Variants in MEGF10 observed in about 807,000 individuals in gnomAD.
MEGF10 encodes multiple EGF like domains 10, also known as multiple epidermal growth factor-like domains protein 10.
A neutral mutation model predicts 147.5 loss-of-function variants in MEGF10; 86 were observed. The observed-to-expected ratio is 0.58, with a 90% confidence interval of 0.49 to 0.70. MEGF10 has a LOEUF of 0.70. Among genes scored for constraint, MEGF10 ranks in the 30% least tolerant of loss-of-function variants. The pLI, the probability that MEGF10 is intolerant of heterozygous loss-of-function variation, is 0.00. For missense variants in MEGF10, 1,329 were observed against 1,487.3 expected (o/e 0.89, Z 1.75); for synonymous variants, 478 against 525.5 (o/e 0.91, Z 1.24).
upstream of MEGF10, among the ~76,000 whole-genome samples, chr5:127,285,974 C>T (rs1028352828): frequency 3.3e-5 from 5 of 151,948 alleles, no homozygotes; most frequent in Admixed American, 6.6e-5. Flanking sequence ...GAATACTATT[C>T]GGCCATAAAA....
At chr5:127,395,491 C>T (rs1763871147) in intron 5 of MEGF10, among the ~76,000 whole-genome samples, 1 of 143,950 alleles carries the variant, frequency 6.9e-6, no homozygotes, top group Non-Finnish European at 1.5e-5. Context: ...TTTTTTTGGT[C>T]AGTAATTCAG....
intron 21 of MEGF10, among the ~76,000 whole-genome samples, chr5:127,448,262 C>G (rs567550199): frequency 6.6e-6 from 1 of 152,188 alleles, no homozygotes; most frequent in South Asian, 2.1e-4. Context: ...CCAAGCATTT[C>G]TAATCACTTA....
At chr5:127,416,625 A>G (rs890680078) in intron 9 of MEGF10, among the ~76,000 whole-genome samples, 2 of 152,194 alleles carry the variant, frequency 1.3e-5, no homozygotes, top group African/African-American at 4.8e-5. Flanking sequence ...TATTTAAATA[A>G]AATTCCAAAA....
intron 4 of MEGF10, among the ~76,000 whole-genome samples, chr5:127,354,587 G>A (rs967197009): frequency 4.6e-5 from 7 of 152,194 alleles, no homozygotes; most frequent in East Asian, 1.9e-4. Flanking sequence ...GCCCGAGTGC[G>A]CCTCATTTGC....
chr5:127,268,927 C>G, the MEGF10 span, among the ~76,000 whole-genome samples: 1 of 152,222 alleles, frequency 6.6e-6, no homozygotes, highest in Admixed American at 6.5e-5. Flanking sequence ...ATTTGCTGTT[C>G]AGCAATATTC....
chr5:127,308,901 A>G (rs1760133764), intron 1 of MEGF10, among the ~76,000 whole-genome samples: 1 of 152,164 alleles, frequency 6.6e-6, no homozygotes, highest in Admixed American at 6.5e-5. Flanking sequence ...TAAAAATACA[A>G]AAAAATTAAA....
chr5:127,383,578 C>G (rs1434987707), intron 5 of MEGF10, among the ~76,000 whole-genome samples: 2 of 152,024 alleles, frequency 1.3e-5, no homozygotes, highest in Non-Finnish European at 2.9e-5. Context: ...TAAAATAATT[C>G]TATATCTTAT....
chr5:127,279,719 C>T, the MEGF10 span, among the ~76,000 whole-genome samples: 53 of 152,230 alleles, frequency 3.5e-4, no homozygotes, highest in African/African-American at 1.2e-3. Flanking sequence ...CTAATTTGAA[C>T]CCTCCCCAAA....
chr5:127,358,137 C>T (rs1177104438), intron 4 of MEGF10, among the ~76,000 whole-genome samples: 1 of 152,150 alleles, frequency 6.6e-6, no homozygotes, highest in Non-Finnish European at 1.5e-5. Flanking sequence ...TACCGAAATG[C>T]AAAGGTTCCT....
At chr5:127,367,446 G>T (rs950214528) in intron 4 of MEGF10, among the ~76,000 whole-genome samples, 1 of 152,004 alleles carries the variant, frequency 6.6e-6, no homozygotes, top group Admixed American at 6.6e-5. Flanking sequence ...AGATGCCCAA[G>T]ATATAAAAAC....
At chr5:127,388,662 C>T (rs1321284012) in intron 5 of MEGF10, among the ~76,000 whole-genome samples, 2 of 152,028 alleles carry the variant, frequency 1.3e-5, no homozygotes, top group African/African-American at 4.8e-5. Context: ...TCTCCTGCCT[C>T]AGCCTCCCAA....
At chr5:127,246,906 T>C in the MEGF10 span, among the ~76,000 whole-genome samples, 3 of 143,588 alleles carry the variant, frequency 2.1e-5, no homozygotes, top group Non-Finnish European at 3.0e-5. Context: ...ATATATACTA[T>C]ATAATAGTAT....
In MEGF10 at chr5:127,340,543, A is replaced by G; in HGVS notation, c.232A>G (p.Thr78Ala). 6.2e-7 allele frequency: 1 copy of G among 1,612,618 alleles called. No individual in the cohort carries two copies. The highest frequency in any genetic ancestry group is 8.5e-7 in the Non-Finnish European group (1 of 1,178,932). Residue 78 changes from threonine to alanine, a missense_variant, in exon 4 of 25, where the codon ACA becomes GCA. By Grantham distance (58) the Thr-to-Ala change is moderately conservative. This residue lies in a region of MEGF10 where 980 missense variants were observed against 1,085.9 expected (regional missense o/e 0.90). Coordinates refer to ENST00000503335, the MANE Select transcript of MEGF10 (RefSeq NM_001256545.2). Reference sequence around the variant, plus strand: ...CCTTCTCTATAGAGTCAGCTATCGGACAGCCTATCGACATGGGGAGAAGAC... The same window carrying G: ...CCTTCTCTATAGAGTCAGCTATCGGGCAGCCTATCGACATGGGGAGAAGAC... Reference protein sequence around the residue: ...KCTRHRVSYRTAYRHGEKTMY... With the variant: ...KCTRHRVSYRAAYRHGEKTMY...
intron 8 of MEGF10, among the ~76,000 whole-genome samples, chr5:127,404,705 T>C (rs1451116022): frequency 1.3e-5 from 2 of 151,910 alleles, no homozygotes; most frequent in African/African-American, 4.8e-5. Context: ...TTTAGGTAAA[T>C]GTGTCCCTGG....
intron 4 of MEGF10, among the ~76,000 whole-genome samples, chr5:127,357,076 T>A (rs906139360): frequency 2.6e-5 from 4 of 152,220 alleles, no homozygotes; most frequent in Admixed American, 1.3e-4. Flanking sequence ...TATTTGAGAC[T>A]CTTTGGACCT....
chr5:127,271,243 A>G, the MEGF10 span, among the ~76,000 whole-genome samples: 1 of 152,178 alleles, frequency 6.6e-6, no homozygotes, highest in Admixed American at 6.5e-5. Flanking sequence ...CTTTTTAGTA[A>G]TAACCATTCT....
chr5:127,396,023 C>G (rs899439475), intron 5 of MEGF10, among the ~76,000 whole-genome samples: 2 of 152,184 alleles, frequency 1.3e-5, no homozygotes, highest in Admixed American at 6.5e-5. Context: ...CTCTCTGCCT[C>G]TCATCGTCAG....
chr5:127,434,510 A>C (rs1382513880), intron 14 of MEGF10, among the ~76,000 whole-genome samples, 177 bp from the exon 15 acceptor site: 1 of 152,232 alleles, frequency 6.6e-6, no homozygotes, highest in African/African-American at 2.4e-5. Flanking sequence ...TTCCTCATTA[A>C]AGGGTTCCTT....
chr5:127,458,745 C>A lies in MEGF10; in HGVS notation c.*1427C>A, dbSNP rs895604042. The A allele has an allele frequency of 6.6e-6, 1 of 151,922 alleles. No homozygotes were observed. Among genetic ancestry groups the A allele is most frequent in the African/African-American group, 2.4e-5 (1 of 41,354 alleles). The allele number at this position is 151,922 out of a possible 1,614,324, so 9.4% of individuals were successfully genotyped here. On this transcript the variant is annotated 3_prime_UTR_variant, in exon 25 of 25. Coordinates refer to ENST00000503335, the MANE Select transcript of MEGF10 (RefSeq NM_001256545.2). ...CTGTTGGTGCTGAGCCTTGGTTAAA[C>A]CAGGGAGAAGGGGAGCAGAAAGGAA...
Sources: allele counts gnomAD v4.1 joint callset (sites outside exome capture counted in the v4.1 genomes callset), GRCh38; gene constraint gnomAD v4.1.1; regional missense constraint gnomAD v4.1.1; transcripts MANE v1.5; gene names NCBI Gene and HGNC (gene_info 2026-07-23, HGNC 2026-07-21).